Variants in TNPO3 observed in about 807,000 individuals in gnomAD.
TNPO3 encodes the protein transportin-3.
A neutral mutation model predicts 122.8 loss-of-function variants in TNPO3; 65 were observed. The observed-to-expected ratio is 0.53, with a 90% CI of 0.43 to 0.65. TNPO3 has a LOEUF of 0.65. Among genes scored for constraint, TNPO3 ranks in the 30% least tolerant of loss-of-function variants. The pLI is 0.00. For synonymous variants in TNPO3, 372 were observed against 411.2 expected (o/e 0.90, Z 1.15); for missense variants, 850 against 1,136.7 (o/e 0.75, Z 3.63).
chr7:129,004,917 AG>A (rs1802402386), intron 5 of TNPO3, 98 bp downstream of exon 5: 20 of 1,170,082 alleles, frequency 1.7e-5, no homozygotes, highest in Middle Eastern at 2.7e-4. Flanking sequence ...CACGCCTTCC[AG>A]TTACTGTGCA....
intron 19 of TNPO3, 137 bp from the exon 20 acceptor site, chr7:128,970,452 A>T (rs376040084): frequency 1.5e-6 from 1 of 685,682 alleles, no homozygotes; most frequent in East Asian, 3.0e-5. Flanking sequence ...GTGTGTGTGT[A>T]TGCAGGTGTG....
intron 14 of TNPO3, among the ~76,000 whole-genome samples, 196 bp from the exon 15 acceptor site, chr7:128,980,227 C>T (rs1799489569): frequency 6.6e-6 from 1 of 152,226 alleles, no homozygotes; most frequent in African/African-American, 2.4e-5. Flanking sequence ...CTTTAAGTCA[C>T]TTCCAATAGA....
chr7:129,041,766 A>G, intron 1 of TNPO3: 1 of 984,236 alleles, frequency 1.0e-6, no homozygotes, highest in Non-Finnish European at 1.2e-6. Context: ...CCAATCTTCC[A>G]TTTCACAAAG....
chr7:129,042,055 C>A (rs1256838942), intron 1 of TNPO3, among the ~76,000 whole-genome samples: 1 of 152,178 alleles, frequency 6.6e-6, no homozygotes, highest in Non-Finnish European at 1.5e-5. Context: ...CAGACAGGCG[C>A]CTAAGGACTC....
At chr7:128,972,138 CA>C (rs1480342523) in intron 19 of TNPO3, among the ~76,000 whole-genome samples, 1 of 152,174 alleles carries the variant, frequency 6.6e-6, no homozygotes, top group African/African-American at 2.4e-5. Context: ...TGAAAAACAC[CA>C]AACACTGGCA....
chr7:128,996,811 T>C (rs1801385500), intron 8 of TNPO3, among the ~76,000 whole-genome samples: 1 of 150,690 alleles, frequency 6.6e-6, no homozygotes, highest in African/African-American at 2.4e-5. Flanking sequence ...TACCATATCA[T>C]CATTTCACTA....
At chr7:129,054,534 G>T in intron 1 of TNPO3, 117 bp downstream of exon 1, 1 of 1,478,164 alleles carries the variant, frequency 6.8e-7, no homozygotes, top group Non-Finnish European at 9.0e-7. Flanking sequence ...CACGACAGCA[G>T]CTCCTCCCCA....
At chr7:128,973,585 A>C (rs1798708139) in intron 18 of TNPO3, among the ~76,000 whole-genome samples, 1 of 151,366 alleles carries the variant, frequency 6.6e-6, no homozygotes, top group Non-Finnish European at 1.5e-5. Context: ...AAATACAAAA[A>C]ATTAGCTGGG....
In TNPO3 at chr7:128,972,590, G is replaced by C; in HGVS notation, c.2274-8C>G. The stretch of plus-strand genomic sequence containing the variant: ...GGGCTACGCTGAATAAACCTGGTGT[G>C]GAAAGTGAGACTAGGTATAAATGAC... On this transcript the variant is annotated splice_polypyrimidine_tract_variant and splice_region_variant and intron_variant, in intron 18 of 22. Coordinates refer to ENST00000265388, the MANE Select transcript of TNPO3 (RefSeq NM_012470.4). 6.2e-7 allele frequency: 1 copy of C among 1,611,756 alleles called. No individual in the cohort carries two copies. Among genetic ancestry groups the C allele is most frequent in the Non-Finnish European group, 8.5e-7 (1 of 1,178,952 alleles).
rs886043107 is a variant in TNPO3, at chr7:128,993,888, G to T, written c.1185C>A (p.Asp395Glu). The change falls in exon 9 of 23, where the codon GAC becomes GAA. Residue 395 changes from aspartate (D) to glutamate (E), a missense_variant. Physicochemically the swap from Asp to Glu is conservative, Grantham distance 45. Coordinates refer to ENST00000265388, the MANE Select transcript of TNPO3 (RefSeq NM_012470.4). The part of the protein sequence containing the change: ...DHEGVPEETD[D>E]FGEFRMRVSD... ...ATACCCTCATGCGAAACTCCCCAAA[G>T]TCATCAGTCTCCTCAGGAACCCCCT... The T allele has an allele frequency of 6.2e-7, 1 of 1,614,028 alleles. No individual in the cohort carries two copies. The highest frequency in any genetic ancestry group is 8.5e-7 in the Non-Finnish European group (1 of 1,179,992).
intron 7 of TNPO3, among the ~76,000 whole-genome samples, chr7:129,000,192 G>A (rs1023564494): frequency 6.6e-6 from 1 of 152,132 alleles, no homozygotes; most frequent in African/African-American, 2.4e-5. Context: ...GCTTTCTAAC[G>A]AGTTCCTTGA....
chr7:128,961,958 T>C (rs973821107), intron 21 of TNPO3, among the ~76,000 whole-genome samples: 44 of 152,300 alleles, frequency 2.9e-4, no homozygotes, highest in African/African-American at 1.0e-3. Context: ...ATGGCAGGGT[T>C]TCTTCTAGTC....
In TNPO3 at chr7:128,969,052, A is replaced by T. The variant is rs913992525; in HGVS notation, c.2598+1096T>A. 3.3e-5 allele frequency among the ~76,000 whole-genome samples: 5 copies of T among 152,162 alleles called. No individual in the cohort carries two copies. In the South Asian group the frequency reaches 6.2e-4, roughly 19 times the overall value. ...ATATACAGTACACTCCTTAGAGTAC[A>T]TGGCTACCTGGTTTCTATTCCTGTC... On this transcript the variant is annotated intron_variant, in intron 20 of 22. Coordinates refer to ENST00000265388, the MANE Select transcript of TNPO3 (RefSeq NM_012470.4).
chr7:128,986,343 C>T (rs1365147148), intron 12 of TNPO3, among the ~76,000 whole-genome samples: 1 of 152,208 alleles, frequency 6.6e-6, no homozygotes. Flanking sequence ...CTGACTTCTA[C>T]TCATGGCACT....
chr7:129,037,233 CT>C (rs1330389305), intron 1 of TNPO3, among the ~76,000 whole-genome samples: 2 of 152,160 alleles, frequency 1.3e-5, no homozygotes, highest in Non-Finnish European at 1.5e-5. Context: ...AGAAACAATA[CT>C]GCTTTCCGTA....
rs1184853350 is a variant in TNPO3 at position 129,005,774 on chromosome 7, TTTC to T, written c.553-618_553-616del. 5.3e-5 allele frequency among the ~76,000 whole-genome samples: 8 copies of T among 149,570 alleles called. No individual in the cohort carries two copies. In the Admixed American group the frequency reaches 5.4e-4, roughly 10 times the overall value. On this transcript the variant is annotated intron_variant, in intron 4 of 22. Transcript: ENST00000265388. ...AAATTACCCAGTTTCAGGTATTTCT[TTTC>T]TTTTCTTTTTTTTTTTTTTTTTGAG...
At chr7:128,987,905 T>C (rs1352829932) in intron 11 of TNPO3, among the ~76,000 whole-genome samples, 1 of 151,780 alleles carries the variant, frequency 6.6e-6, no homozygotes, top group African/African-American at 2.4e-5. Flanking sequence ...TTAAAGGTCA[T>C]TGTGAGTACT....
intron 21 of TNPO3, among the ~76,000 whole-genome samples, chr7:128,961,077 T>C (rs933754559): frequency 3.9e-5 from 6 of 152,158 alleles, no homozygotes; most frequent in Admixed American, 6.5e-5. Context: ...TAATTTATTA[T>C]TGATGAAAAA....
At chr7:129,026,639 G>A (rs1805213457) in intron 1 of TNPO3, among the ~76,000 whole-genome samples, 1 of 151,782 alleles carries the variant, frequency 6.6e-6, no homozygotes, top group Non-Finnish European at 1.5e-5. Context: ...CCTGACTTCA[G>A]GTGATCTGCC....
Sources: gnomAD v4.1 joint callset for allele counts (sites outside exome capture counted in the v4.1 genomes callset) on GRCh38, gnomAD v4.1.1 for gene constraint, MANE v1.5 for transcripts, NCBI Gene and HGNC (gene_info 2026-07-23, HGNC 2026-07-21) for gene names.